The following PSMD13 variants were observed in gnomAD, a reference collection of about 807,000 sequenced individuals.
The protein encoded by PSMD13 is 26S proteasome non-ATPase regulatory subunit 13.
A neutral mutation model predicts 57.4 loss-of-function variants in PSMD13; 8 were observed. The ratio of observed to expected loss-of-function variants is 0.14; its 90% confidence interval spans 0.08 to 0.25. The LOEUF (loss-of-function observed/expected upper bound fraction) is 0.25, where lower values mean the gene tolerates loss of function less well. PSMD13 is among the 10% of genes least tolerant of loss of function. The probability of loss-of-function intolerance (pLI) is 1.00; values close to 1 mark genes in which losing one functional copy is unlikely to be tolerated. For missense variants in PSMD13, 400 were observed against 461.5 expected (o/e 0.87, Z 1.22); for synonymous variants, 193 against 168.2 (o/e 1.15, Z -1.14).
At chr11:237,260 A>T (rs1444724792) in intron 1 of PSMD13, 116 bp downstream of exon 1, 1 of 952,654 alleles carries the variant, frequency 1.0e-6, no homozygotes, top group Non-Finnish European at 1.5e-6. Context: ...AGTTGGGGGG[A>T]AACGGGGACG....
Position 251,919 on chromosome 11 carries a change from G to A in PSMD13, c.1018G>A (p.Val340Met). Residue 340 changes from valine to methionine, a missense_variant, in exon 12 of 13, where the codon GTG becomes ATG. Val to Met is a conservative substitution (Grantham distance 21). Coordinates refer to ENST00000532097, the MANE Select transcript of PSMD13 (RefSeq NM_002817.4). The surrounding 1 kb of genome is among the most constrained non-coding windows in gnomAD (Gnocchi z 4.6). ...RVHMTWVQPR[V>M]LDLQQIKGMK... ...CCACATGACCTGGGTGCAGCCCCGA[G>A]TGTTGGATTTGCAACAGGTGATGTG... 6.2e-7 allele frequency: 1 copy of A among 1,613,840 alleles called. No homozygotes were observed. The highest frequency in any genetic ancestry group is 8.5e-7 in the Non-Finnish European group (1 of 1,179,714).
chr11:244,855 T>A, intron 6 of PSMD13, 94 bp downstream of exon 6: 6 of 1,028,582 alleles, frequency 5.8e-6, no homozygotes, highest in Non-Finnish European at 8.3e-6. Flanking sequence ...ACTGTTTATT[T>A]TAAAACATTT....
intron 7 of PSMD13, 125 bp from the exon 8 acceptor site, chr11:248,651 C>A: frequency 1.1e-6 from 1 of 927,472 alleles, no homozygotes; most frequent in Non-Finnish European, 1.7e-6. Context: ...TGACTAATGT[C>A]AAGGCTTTGT....
Position 252,290 on chromosome 11 carries a change from T to C in PSMD13, c.1036-215T>C. The C allele has an allele frequency of 1.8e-6, 1 of 553,780 alleles. No individual in the cohort carries two copies. Among genetic ancestry groups the C allele is most frequent in the Non-Finnish European group, 3.2e-6 (1 of 308,294 alleles). The allele number at this position is 553,780 out of a possible 1,614,324, so 34.3% of individuals were successfully genotyped here. A position where few individuals can be genotyped will look rare whatever the true frequency, so the allele number is the denominator to read the frequency against. On this transcript the variant is annotated intron_variant, in intron 12 of 12. Coordinates refer to ENST00000532097, the MANE Select transcript of PSMD13 (RefSeq NM_002817.4). This position sits in a 1 kb window ranked among gnomAD's most constrained non-coding sequence, Gnocchi z 4.1. ...CCTGTGGATTTCCTCTGTCCTTGTC[T>C]GCTTTCTTTCATGCAAGTTTTTTCT...
At chr11:240,273 C>G (rs911299785) in intron 2 of PSMD13, among the ~76,000 whole-genome samples, 11 of 151,978 alleles carry the variant, frequency 7.2e-5, no homozygotes, top group African/African-American at 2.7e-4. Context: ...CCACAGCCAG[C>G]TGATTTTTGT....
intron 10 of PSMD13, 122 bp downstream of exon 10, chr11:250,987 G>A (rs564854577): frequency 1.4e-5 from 12 of 853,720 alleles, no homozygotes; most frequent in African/African-American, 5.0e-5. Flanking sequence ...TCTGCTGTGC[G>A]CCGCTCTCTT....
chr11:238,364 G>C (rs1307039399), intron 1 of PSMD13, among the ~76,000 whole-genome samples: 1 of 152,212 alleles, frequency 6.6e-6, no homozygotes, highest in East Asian at 1.9e-4. Context: ...GGAAAACTGA[G>C]TCTTAGAGAA....
chr11:252,471 CTT>C lies in PSMD13; in HGVS notation c.1036-33_1036-32del. The C allele has an allele frequency of 6.2e-7, 1 of 1,608,482 alleles. No homozygotes were observed. The highest frequency in any genetic ancestry group is 8.5e-7 in the Non-Finnish European group (1 of 1,175,084). On this transcript the variant is annotated intron_variant, in intron 12 of 12. Transcript: ENST00000532097. This position sits in a 1 kb window ranked among gnomAD's most constrained non-coding sequence, Gnocchi z 4.1. ...CGCTCGGCCTGTGTCTCCTGCGTGTCTTAACGTCCCTTGTGTCCGGATTTCCA... is the reference window on the plus strand; with the variant it reads ...CGCTCGGCCTGTGTCTCCTGCGTGTCAACGTCCCTTGTGTCCGGATTTCCA...
rs1366789986 is a variant in PSMD13, at chr11:244,479, G to T, written c.309+10G>T. 2.6e-6 allele frequency: 4 copies of T among 1,553,242 alleles called. No individual in the cohort carries two copies. The highest frequency in any genetic ancestry group is 3.6e-5 in the African/African-American group (2 of 55,416). On this transcript the variant is annotated intron_variant, in intron 5 of 12. Coordinates refer to ENST00000532097, the MANE Select transcript of PSMD13 (RefSeq NM_002817.4). ...AAAGACTCGTGAGAAGGTAAATGTG[G>T]CATGTGGGCAATACCTTTTAGTACC...
At chr11:248,345 A>T (rs1324746334) in intron 7 of PSMD13, 2 of 184,526 alleles carry the variant, frequency 1.1e-5, no homozygotes, top group African/African-American at 4.8e-5. Context: ...TTATTACTGT[A>T]TGTCAAGAAA....
intron 1 of PSMD13, among the ~76,000 whole-genome samples, chr11:237,670 G>C (rs1325456739): frequency 6.6e-6 from 1 of 152,178 alleles, no homozygotes; most frequent in Admixed American, 6.5e-5. Flanking sequence ...TTCTGCAGCT[G>C]GTTGCACGGG....
chr11:250,967 T>A, intron 10 of PSMD13, 102 bp downstream of exon 10: 1 of 1,026,034 alleles, frequency 9.7e-7, no homozygotes, highest in Non-Finnish European at 1.5e-6. Context: ...GAGCTTTCAG[T>A]GGTGCTGCTT....
chr11:248,683 T>A, intron 7 of PSMD13, 93 bp from the exon 8 acceptor site: 1 of 1,222,356 alleles, frequency 8.2e-7, no homozygotes, highest in Non-Finnish European at 1.2e-6. Context: ...TTACAAACAA[T>A]GTTTTTTTAC....
chr11:247,459 C>T lies in PSMD13; in HGVS notation c.568+11C>T, dbSNP rs1859674865. ...TCAAGGATCTACCAGGTAACCTAGG[C>T]CATTAAATCCATGTCACACAGGAGC... On this transcript the variant is annotated intron_variant, in intron 7 of 12. Coordinates refer to ENST00000532097, the MANE Select transcript of PSMD13 (RefSeq NM_002817.4). The T allele has an allele frequency of 2.0e-5, 33 of 1,610,028 alleles. No homozygotes were observed. Among genetic ancestry groups the T allele is most frequent in the Non-Finnish European group, 2.7e-5 (32 of 1,178,268 alleles).
At position 251,971 on chromosome 11, in the gene PSMD13, G is replaced by A. The variant is rs1184204716; in HGVS notation, c.1035+35G>A. 1 of 1,573,800 alleles carries A rather than the reference G, an allele frequency of 6.4e-7. No homozygotes were observed. The highest frequency in any genetic ancestry group is 8.7e-7 in the Non-Finnish European group (1 of 1,145,682). On this transcript the variant is annotated intron_variant, in intron 12 of 12. Coordinates refer to ENST00000532097, the MANE Select transcript of PSMD13 (RefSeq NM_002817.4). The surrounding 1 kb of genome is among the most constrained non-coding windows in gnomAD (Gnocchi z 4.6). Reference sequence around the variant, plus strand: ...TTGAAACCCATTATTCACCTCTGTGGATTTTGAGGGGTTGTGTCTATACCG... The same window carrying A: ...TTGAAACCCATTATTCACCTCTGTGAATTTTGAGGGGTTGTGTCTATACCG...
At chr11:243,700 C>A (rs1013757956) in intron 2 of PSMD13, among the ~76,000 whole-genome samples, 6 of 152,262 alleles carry the variant, frequency 3.9e-5, no homozygotes, top group Middle Eastern at 3.4e-3. Flanking sequence ...ACTGAGGGAG[C>A]GTTTCAATCT....
At chr11:249,162 C>A in intron 9 of PSMD13, 105 bp downstream of exon 9, 1 of 1,498,936 alleles carries the variant, frequency 6.7e-7, no homozygotes, top group Non-Finnish European at 9.1e-7. Flanking sequence ...AAGAACAGGG[C>A]AAAGAGGAGA....
In PSMD13 at chr11:244,406, G is replaced by T; in HGVS notation, c.266-20G>T. 1.9e-6 allele frequency: 3 copies of T among 1,607,176 alleles called. No homozygotes were observed. The highest frequency in any genetic ancestry group is 2.6e-6 in the Non-Finnish European group (3 of 1,174,116). Reference sequence around the variant, plus strand: ...AAACCAGTCTGTTGATGGTCCTTCTGATTGTTCCTTCTTTTCCAGATCCTA... The same window carrying T: ...AAACCAGTCTGTTGATGGTCCTTCTTATTGTTCCTTCTTTTCCAGATCCTA... On this transcript the variant is annotated intron_variant, in intron 4 of 12. Transcript: ENST00000532097.
chr11:252,520 G>A lies in PSMD13; in HGVS notation c.1051G>A (p.Asp351Asn), dbSNP rs1303126513. 6.2e-7 allele frequency: 1 copy of A among 1,613,976 alleles called. No individual in the cohort carries two copies. The highest frequency in any genetic ancestry group is 8.5e-7 in the Non-Finnish European group (1 of 1,180,006). ...TCCATTTCAGATCAAGGGAATGAAG[G>A]ACCGCCTGGAGTTCTGGTGCACGGA... ...LDLQQIKGMKDRLEFWCTDVK... is the reference protein window; with the variant it reads ...LDLQQIKGMKNRLEFWCTDVK... The change falls in exon 13 of 13, where the codon GAC becomes AAC. Residue 351 changes from aspartate (D) to asparagine (N), a missense_variant. Physicochemically the swap from Asp to Asn is conservative, Grantham distance 23 (BLOSUM62 1). Transcript: ENST00000532097. This position sits in a 1 kb window ranked among gnomAD's most constrained non-coding sequence, Gnocchi z 4.1.
Sources: gnomAD v4.1 joint callset for allele counts (sites outside exome capture counted in the v4.1 genomes callset) on GRCh38, gnomAD v4.1.1 for gene constraint, Gnocchi (gnomAD v3.1) non-coding constraint, MANE v1.5 for transcripts, NCBI Gene and HGNC (gene_info 2026-07-23, HGNC 2026-07-21) for gene names.